The following SNAP25 variants were observed in gnomAD, a reference collection of about 807,000 sequenced individuals.
SNAP25 encodes the protein synaptosomal-associated protein 25.
A neutral mutation model predicts 28.7 loss-of-function variants in SNAP25; 3 were observed. The observed-to-expected ratio is 0.10, with a 90% CI of 0.05 to 0.27. The LOEUF is 0.27. SNAP25 is among the 10% of genes least tolerant of loss of function. SNAP25 has a pLI of 1.00. For synonymous variants in SNAP25, 61 were observed against 88.1 expected (o/e 0.69, Z 1.72); for missense variants, 117 against 278.7 (o/e 0.42, Z 4.13).
intron 1 of SNAP25, among the ~76,000 whole-genome samples, chr20:10,228,024 G>T (rs1231930487): frequency 6.6e-6 from 1 of 152,052 alleles, no homozygotes; most frequent in Non-Finnish European, 1.5e-5. Flanking sequence ...GTGTCCTCTT[G>T]CCTGGGAGAG....
chr20:10,289,514 A>G (rs1215653803), intron 4 of SNAP25, among the ~76,000 whole-genome samples: 1 of 151,912 alleles, frequency 6.6e-6, no homozygotes, highest in East Asian at 1.9e-4. Flanking sequence ...ATGGCACTAC[A>G]AGGTGGCATC....
In SNAP25 at chr20:10,252,557, G is replaced by A. The variant is rs989116889; in HGVS notation, c.-63-22872G>A. On this transcript the variant is annotated intron_variant, in intron 1 of 7. Transcript: ENST00000254976. ...GTTTATTACTTTTATTGTAGTGATG[G>A]TTTCATGGCAATATACATATGTTAA... Among the ~76,000 whole-genome samples, 10 of 152,158 alleles carry A rather than the reference G, an allele frequency of 6.6e-5. No individual in the cohort carries two copies. In the South Asian group the frequency reaches 2.1e-3, roughly 32 times the overall value.
At chr20:10,239,141 G>T (rs1032528073) in intron 1 of SNAP25, among the ~76,000 whole-genome samples, 1 of 152,178 alleles carries the variant, frequency 6.6e-6, no homozygotes, top group African/African-American at 2.4e-5. Flanking sequence ...GCATTTAAAT[G>T]ACAAAATCTA....
intron 7 of SNAP25, among the ~76,000 whole-genome samples, chr20:10,300,217 G>A (rs2064201696): frequency 6.6e-6 from 1 of 152,128 alleles, no homozygotes; most frequent in Non-Finnish European, 1.5e-5. Context: ...AAAATTAGAA[G>A]AGATTGGAAA....
Position 10,275,482 on chromosome 20 carries a change from C to A in SNAP25, c.-10C>A. 6.3e-7 allele frequency: 1 copy of A among 1,599,532 alleles called. No individual in the cohort carries two copies. Among genetic ancestry groups the A allele is most frequent in the Admixed American group, 1.7e-5 (1 of 58,138 alleles). ...CCAGCCCAGGCGCCCAGCCACTCCC[C>A]ACCGCTACCATGGCCGAAGACGCAG... On this transcript the variant is annotated 5_prime_UTR_variant, in exon 2 of 8. Coordinates refer to ENST00000254976, the MANE Select transcript of SNAP25 (RefSeq NM_130811.4).
intron 1 of SNAP25, among the ~76,000 whole-genome samples, chr20:10,227,442 A>G (rs1428666146): frequency 6.6e-6 from 1 of 152,144 alleles, no homozygotes; most frequent in African/African-American, 2.4e-5. Context: ...TACCACTGTA[A>G]GTAATCCTGC....
chr20:10,271,550 G>T (rs963968100), intron 1 of SNAP25, among the ~76,000 whole-genome samples: 1 of 152,226 alleles, frequency 6.6e-6, no homozygotes, highest in African/African-American at 2.4e-5. Flanking sequence ...GAAACCAAGG[G>T]TATCTGCCAC....
chr20:10,221,356 T>A (rs888828141), intron 1 of SNAP25, among the ~76,000 whole-genome samples: 2 of 152,228 alleles, frequency 1.3e-5, no homozygotes, highest in African/African-American at 4.8e-5. Context: ...AATAGCTTAC[T>A]GAGAAATTTA....
chr20:10,288,915 G>A (rs2063938666), intron 4 of SNAP25, among the ~76,000 whole-genome samples: 1 of 151,718 alleles, frequency 6.6e-6, no homozygotes, highest in African/African-American at 2.4e-5. Context: ...TGCCATATAA[G>A]TGCATTTTAA....
intron 3 of SNAP25, among the ~76,000 whole-genome samples, chr20:10,280,967 G>T (rs768501851): frequency 4.6e-5 from 7 of 152,240 alleles, no homozygotes; most frequent in Middle Eastern, 3.4e-3. Flanking sequence ...AGAGTGCCTG[G>T]AGTGTTCTAG....
intron 1 of SNAP25, among the ~76,000 whole-genome samples, chr20:10,224,119 C>T (rs984712700): frequency 7.2e-5 from 11 of 152,068 alleles, no homozygotes; most frequent in Non-Finnish European, 1.3e-4. Context: ...GGGTAAGTAA[C>T]TTGTCGCAGA....
chr20:10,257,882 C>CAAAAA (rs57183397), intron 1 of SNAP25, among the ~76,000 whole-genome samples: 2 of 84,218 alleles, frequency 2.4e-5, no homozygotes, highest in Non-Finnish European at 2.4e-5. Context: ...GACTCTGTCT[C>CAAAAA]AAAAAAAAAA....
At chr20:10,272,144 C>T (rs142937826) in intron 1 of SNAP25, among the ~76,000 whole-genome samples, 3 of 152,292 alleles carry the variant, frequency 2.0e-5, no homozygotes, top group Non-Finnish European at 2.9e-5. Flanking sequence ...GGGTTTGTTC[C>T]ACTCTTAGCC....
intron 3 of SNAP25, among the ~76,000 whole-genome samples, chr20:10,283,279 CTG>C (rs2123054799): frequency 6.6e-6 from 1 of 152,358 alleles, no homozygotes; most frequent in African/African-American, 2.4e-5. Context: ...GAGGTATTAA[CTG>C]TTGTCATTGC....
chr20:10,303,166 C>T (rs1431831597), intron 7 of SNAP25, among the ~76,000 whole-genome samples: 1 of 152,160 alleles, frequency 6.6e-6, no homozygotes, highest in Non-Finnish European at 1.5e-5. Flanking sequence ...GATCCTGTAA[C>T]TTTCCTTTGC....
chr20:10,297,466 A>G (rs185464327), intron 6 of SNAP25, among the ~76,000 whole-genome samples: 1 of 152,308 alleles, frequency 6.6e-6, no homozygotes, highest in Admixed American at 6.5e-5. Context: ...CAGGCATCAC[A>G]TTCCATGAGT....
chr20:10,255,629 C>T (rs1194782438), intron 1 of SNAP25, among the ~76,000 whole-genome samples: 1 of 152,158 alleles, frequency 6.6e-6, no homozygotes, highest in Non-Finnish European at 1.5e-5. Context: ...AAGTACAACT[C>T]ATTAAAAATA....
At chr20:10,230,290 C>T (rs541153556) in intron 1 of SNAP25, among the ~76,000 whole-genome samples, 65 of 152,206 alleles carry the variant, frequency 4.3e-4, no homozygotes, top group African/African-American at 1.5e-3. Context: ...AATATCATCC[C>T]AACACTCATC....
In SNAP25 at chr20:10,242,640, C is replaced by T. The variant is rs3827069; in HGVS notation, c.-64+23663C>T. Among the ~76,000 whole-genome samples, 310 of 152,262 alleles carry T rather than the reference C, an allele frequency of 2.0e-3. 5 individuals carry two copies. The East Asian group carries it at 0.05, about 24-fold the overall frequency. On this transcript the variant is annotated intron_variant, in intron 1 of 7. Coordinates refer to ENST00000254976, the MANE Select transcript of SNAP25 (RefSeq NM_130811.4). ...TCCTGCTGCAAGAAAGCACAGGACC[C>T]ACATTTCTAAAAGCAAATGAGCTAA...
Sources: gnomAD v4.1 joint callset for allele counts (sites outside exome capture counted in the v4.1 genomes callset) on GRCh38, gnomAD v4.1.1 for gene constraint, MANE v1.5 for transcripts, NCBI Gene and HGNC (gene_info 2026-07-23, HGNC 2026-07-21) for gene names.